The following EHF variants were observed in gnomAD, a reference collection of about 807,000 sequenced individuals.
The protein encoded by EHF is ETS homologous factor.
A neutral mutation model predicts 45.1 loss-of-function variants in EHF; 14 were observed. The ratio of observed to expected loss-of-function variants is 0.31; its 90% CI spans 0.21 to 0.49. EHF has a LOEUF of 0.49. EHF is among the 20% of genes least tolerant of loss of function. The pLI, the probability that EHF is intolerant of heterozygous loss-of-function variation, is 0.99. For missense variants in EHF, 282 were observed against 371.4 expected, an observed-to-expected ratio of 0.76 and a Z score of 1.98; for synonymous variants, 136 against 131.8, an observed-to-expected ratio of 1.03 and a Z score of -0.22.
intron 8 of EHF, 36 bp downstream of exon 8, chr11:34,658,764 G>A (rs1192875510): frequency 6.2e-6 from 10 of 1,608,814 alleles, no homozygotes; most frequent in African/African-American, 1.3e-5. Context: ...CAAAAAGGCT[G>A]TACGACCCAT....
At chr11:34,654,526 T>C (rs1268452583) in intron 6 of EHF, among the ~76,000 whole-genome samples, 3 of 152,310 alleles carry the variant, frequency 2.0e-5, no homozygotes, top group East Asian at 3.9e-4. Context: ...TTCCCCTTTA[T>C]GATGATGGAA....
At chr11:34,638,803 C>T (rs1174452398) in intron 1 of EHF, among the ~76,000 whole-genome samples, 1 of 152,190 alleles carries the variant, frequency 6.6e-6, no homozygotes, top group African/African-American at 2.4e-5. Context: ...CTGCCTCCAG[C>T]AGAAGATGGG....
At chr11:34,631,327 C>T (rs916260806) in intron 1 of EHF, among the ~76,000 whole-genome samples, 3 of 152,184 alleles carry the variant, frequency 2.0e-5, no homozygotes, top group Non-Finnish European at 4.4e-5. Flanking sequence ...CCACTGCGCC[C>T]GGCCAAAAAG....
chr11:34,637,253 A>C (rs1020122355), intron 1 of EHF, among the ~76,000 whole-genome samples: 2 of 151,938 alleles, frequency 1.3e-5, no homozygotes, highest in Non-Finnish European at 2.9e-5. Flanking sequence ...GCTCCCCTTC[A>C]TGGGTCCAGG....
At chr11:34,631,532 A>T (rs1386032776) in intron 1 of EHF, 10 of 979,002 alleles carry the variant, frequency 1.0e-5, no homozygotes, top group Non-Finnish European at 1.2e-5. Context: ...TTAGGACAGA[A>T]ATCACATCTA....
intron 1 of EHF, among the ~76,000 whole-genome samples, chr11:34,637,465 T>C (rs550110711): frequency 6.6e-6 from 1 of 152,322 alleles, no homozygotes; most frequent in African/African-American, 2.4e-5. Context: ...GAGGCTGGCC[T>C]ATCTCCCGCC....
At chr11:34,658,351 A>G (rs922098865) in intron 7 of EHF, among the ~76,000 whole-genome samples, 182 bp from the exon 8 acceptor site, 75 of 152,196 alleles carry the variant, frequency 4.9e-4, no homozygotes, top group Non-Finnish European at 3.2e-4. Flanking sequence ...ATATTGTGCT[A>G]GTTTATTCTT....
At chr11:34,637,246 C>G (rs1316512155) in intron 1 of EHF, among the ~76,000 whole-genome samples, 2 of 152,100 alleles carry the variant, frequency 1.3e-5, no homozygotes. Context: ...TCCCCCTGCT[C>G]CCCTTCATGG....
intron 1 of EHF, chr11:34,622,321 T>G: frequency 1.2e-6 from 1 of 849,064 alleles, no homozygotes; most frequent in Non-Finnish European, 1.7e-6. Flanking sequence ...GCTGGTTATC[T>G]GCACTCACCT....
At chr11:34,637,559 T>C (rs1041845536) in intron 1 of EHF, among the ~76,000 whole-genome samples, 1 of 152,208 alleles carries the variant, frequency 6.6e-6, no homozygotes, top group Non-Finnish European at 1.5e-5. Context: ...CAGTGGCCCA[T>C]AATTTTAGGG....
chr11:34,642,828 C>A, intron 2 of EHF, 101 bp downstream of exon 2: 9 of 851,164 alleles, frequency 1.1e-5, no homozygotes, highest in East Asian at 2.7e-5. Context: ...GGCTTTACAG[C>A]AGAAGATGTG....
chr11:34,646,030 GTGT>G (rs1854484278), intron 2 of EHF, among the ~76,000 whole-genome samples: 7 of 28,896 alleles, frequency 2.4e-4, no homozygotes, highest in African/African-American at 2.1e-3. Context: ...GTTTGGTGGT[GTGT>G]GTGTGTGTGT....
In EHF at chr11:34,662,464, T is replaced by C. The variant is rs1842720136; in HGVS notation, c.*3533T>C. Among the ~76,000 whole-genome samples the C allele has an allele frequency of 6.6e-6, 1 of 152,116 alleles. No individual in the cohort carries two copies. Among genetic ancestry groups the C allele is most frequent in the Non-Finnish European group, 1.5e-5 (1 of 67,996 alleles). ...CTTATCTGGTATGAGAAGCCAGTAA[T>C]AAACCTTTGACCTGTTTTAACCAAT... On this transcript the variant is annotated 3_prime_UTR_variant, in exon 9 of 9. Transcript: ENST00000257831.
intron 1 of EHF, chr11:34,642,197 G>T (rs966858420): frequency 1.5e-4 from 27 of 176,120 alleles, no homozygotes; most frequent in Middle Eastern, 2.6e-3. Flanking sequence ...CCACACAGGT[G>T]CTGGGGCTGT....
chr11:34,645,456 G>A (rs1375439238), intron 2 of EHF, among the ~76,000 whole-genome samples: 4 of 152,080 alleles, frequency 2.6e-5, no homozygotes, highest in African/African-American at 9.7e-5. Flanking sequence ...AAGTCTCTGA[G>A]GTCATTTTTT....
At position 34,659,132 on chromosome 11, in the gene EHF, TG is replaced by T. The variant is rs1198514661; in HGVS notation, c.*205del. On this transcript the variant is annotated 3_prime_UTR_variant, in exon 9 of 9. Coordinates refer to ENST00000257831, the MANE Select transcript of EHF (RefSeq NM_012153.6). ...TTGTTACTTCGAAGTATGTCCTATA[TG>T]GGGAAAAAACGTACACAGTTTTCTG... 3 of 478,220 alleles carry T rather than the reference TG, an allele frequency of 6.3e-6. No homozygotes were observed. The highest frequency in any genetic ancestry group is 7.8e-5 in the Admixed American group (2 of 25,780). The allele number at this position is 478,220 out of a possible 1,614,324, so 29.6% of individuals were successfully genotyped here.
At chr11:34,649,394 C>A (rs1854917404) in intron 4 of EHF, among the ~76,000 whole-genome samples, 1 of 152,130 alleles carries the variant, frequency 6.6e-6, no homozygotes, top group Non-Finnish European at 1.5e-5. Flanking sequence ...GGCCTCCCCA[C>A]CTTAAAAAGT....
At chr11:34,623,716 G>A (rs1361761526) in intron 1 of EHF, among the ~76,000 whole-genome samples, 1 of 152,202 alleles carries the variant, frequency 6.6e-6, no homozygotes, top group Admixed American at 6.5e-5. Flanking sequence ...TGAGGAAGTA[G>A]AATTTCGCTT....
chr11:34,641,060 A>C (rs566554980), intron 1 of EHF, among the ~76,000 whole-genome samples: 1 of 152,276 alleles, frequency 6.6e-6, no homozygotes, highest in South Asian at 2.1e-4. Context: ...AATCGACCCC[A>C]GCTCTTCTGG....
Sources: allele counts gnomAD v4.1 joint callset (sites outside exome capture counted in the v4.1 genomes callset), GRCh38; gene constraint gnomAD v4.1.1; transcripts MANE v1.5; gene names NCBI Gene and HGNC (gene_info 2026-07-23, HGNC 2026-07-21).